CNTNAP5: variants seen among roughly 807,000 people sequenced by gnomAD.
CNTNAP5 encodes contactin-associated protein-like 5.
Under a neutral mutation model 150.2 loss-of-function variants are expected in CNTNAP5, and 72 were observed. That is an observed-to-expected ratio of 0.48 (90% CI 0.40 to 0.58). CNTNAP5 has a LOEUF of 0.58. Among genes scored for constraint, CNTNAP5 ranks in the 20% least tolerant of loss-of-function variants. The probability of loss-of-function intolerance (pLI) is 0.00; values close to 1 mark genes in which losing one functional copy is unlikely to be tolerated. For missense variants in CNTNAP5, 1,636 were observed against 1,626.2 expected, an observed-to-expected ratio of 1.01 and a Z score of -0.10; for synonymous variants, 672 against 619.8, an observed-to-expected ratio of 1.08 and a Z score of -1.25.
At chr2:124,092,770 T>C (rs1682843864) in intron 1 of CNTNAP5, among the ~76,000 whole-genome samples, 1 of 152,242 alleles carries the variant, frequency 6.6e-6, no homozygotes, top group Non-Finnish European at 1.5e-5. Context: ...GCTTGTCTCT[T>C]GCTTTTTAAT....
intron 3 of CNTNAP5, among the ~76,000 whole-genome samples, chr2:124,368,706 T>C (rs1324045891): frequency 6.6e-6 from 1 of 152,210 alleles, no homozygotes; most frequent in Non-Finnish European, 1.5e-5. Flanking sequence ...AAAACAGATC[T>C]GAACTGGTGA....
intron 16 of CNTNAP5, among the ~76,000 whole-genome samples, chr2:124,769,954 A>T (rs1280575920): frequency 6.6e-6 from 1 of 152,186 alleles, no homozygotes. Context: ...TTTGGCTCAC[A>T]GTAAGTACTC....
chr2:124,789,369 G>A (rs971774372), intron 17 of CNTNAP5, among the ~76,000 whole-genome samples: 1 of 152,140 alleles, frequency 6.6e-6, no homozygotes, highest in Admixed American at 6.5e-5. Context: ...GAGGGAGGGG[G>A]TTCCCAGCCT....
intron 3 of CNTNAP5, among the ~76,000 whole-genome samples, chr2:124,258,261 C>A (rs1435297348): frequency 6.6e-6 from 1 of 152,056 alleles, no homozygotes; most frequent in Non-Finnish European, 1.5e-5. Context: ...TGTTCCCAGC[C>A]AACAGTTTTC....
chr2:124,026,278 C>A (rs573304378), intron 1 of CNTNAP5, among the ~76,000 whole-genome samples: 1 of 152,152 alleles, frequency 6.6e-6, no homozygotes, highest in East Asian at 1.9e-4. Context: ...GAGTTTTGGC[C>A]TAAGAGTCAT....
intron 3 of CNTNAP5, among the ~76,000 whole-genome samples, chr2:124,354,639 CA>C (rs750138101): frequency 2.0e-5 from 3 of 152,128 alleles, no homozygotes; most frequent in Non-Finnish European, 4.4e-5. Flanking sequence ...CAGTCTTGAG[CA>C]AAAGCTATTT....
At chr2:124,749,525 A>G (rs890714942) in intron 14 of CNTNAP5, among the ~76,000 whole-genome samples, 1 of 151,924 alleles carries the variant, frequency 6.6e-6, no homozygotes, top group Non-Finnish European at 1.5e-5. Flanking sequence ...CCAGGGTTCA[A>G]GCGATTCTCC....
chr2:124,580,515 A>G (rs982380555), intron 11 of CNTNAP5, among the ~76,000 whole-genome samples: 1 of 152,242 alleles, frequency 6.6e-6, no homozygotes, highest in Admixed American at 6.5e-5. Flanking sequence ...CTCTGAGACA[A>G]GTCTGACTCA....
intron 1 of CNTNAP5, among the ~76,000 whole-genome samples, chr2:124,095,751 G>T (rs12711667): frequency 0.52 from 79,451 of 151,944 alleles, 20,947 homozygotes; most frequent in East Asian, 0.7. Flanking sequence ...TTGATTTTTT[G>T]ATTTTAATAT....
intron 3 of CNTNAP5, among the ~76,000 whole-genome samples, chr2:124,382,839 A>C (rs1475568692): frequency 6.6e-6 from 1 of 152,150 alleles, no homozygotes. Flanking sequence ...CTATATCTGA[A>C]GTTTGGAAAT....
At chr2:124,669,574 C>T (rs943503178) in intron 13 of CNTNAP5, among the ~76,000 whole-genome samples, 1 of 152,194 alleles carries the variant, frequency 6.6e-6, no homozygotes, top group African/African-American at 2.4e-5. Flanking sequence ...AAATTTAGAT[C>T]TCCAGCCAAG....
At chr2:124,748,263 C>G (rs1226258820) in intron 14 of CNTNAP5, among the ~76,000 whole-genome samples, 1 of 152,050 alleles carries the variant, frequency 6.6e-6, no homozygotes, top group Non-Finnish European at 1.5e-5. Flanking sequence ...AAATAATTTT[C>G]CCAGTGTCAA....
chr2:124,809,463 G>A (rs1040189381), intron 19 of CNTNAP5, among the ~76,000 whole-genome samples: 1 of 151,460 alleles, frequency 6.6e-6, no homozygotes. Flanking sequence ...CTGCAGTGCA[G>A]TGCCATGATC....
chr2:124,361,983 T>G (rs4531936), intron 3 of CNTNAP5, among the ~76,000 whole-genome samples: 1 of 152,056 alleles, frequency 6.6e-6, no homozygotes, highest in African/African-American at 2.4e-5. Flanking sequence ...TAGGACCCTC[T>G]GAGCCAGGTG....
intron 1 of CNTNAP5, among the ~76,000 whole-genome samples, chr2:124,200,432 T>C (rs1037463063): frequency 6.6e-6 from 1 of 152,182 alleles, no homozygotes; most frequent in African/African-American, 2.4e-5. Flanking sequence ...TTTATTGACA[T>C]AATCTTGTTT....
At chr2:124,674,492 A>ACTTC (rs1478647647) in intron 13 of CNTNAP5, among the ~76,000 whole-genome samples, 152 of 71,406 alleles carry the variant, frequency 2.1e-3, no homozygotes, top group African/African-American at 8.6e-3. Context: ...CTCCCTCTCT[A>ACTTC]CTTCCTTTCT....
chr2:124,157,468 C>T (rs921973868), intron 1 of CNTNAP5, among the ~76,000 whole-genome samples: 2 of 152,110 alleles, frequency 1.3e-5, no homozygotes, highest in Admixed American at 1.3e-4. Context: ...CTAGTTTTCC[C>T]ACCTTATGTT....
intron 1 of CNTNAP5, among the ~76,000 whole-genome samples, chr2:124,218,210 G>A (rs1004220092): frequency 6.6e-5 from 10 of 152,044 alleles, no homozygotes; most frequent in East Asian, 1.9e-4. Flanking sequence ...AGACCTTGGC[G>A]ACAACCTTGA....
chr2:124,622,130 C>G (rs543885420), intron 12 of CNTNAP5, among the ~76,000 whole-genome samples: 1 of 152,008 alleles, frequency 6.6e-6, no homozygotes, highest in Non-Finnish European at 1.5e-5. Flanking sequence ...AACCCCCACC[C>G]TTTGACAAGC....
Sources: gnomAD v4.1 joint callset for allele counts (sites outside exome capture counted in the v4.1 genomes callset) on GRCh38, gnomAD v4.1.1 for gene constraint, MANE v1.5 for transcripts, NCBI Gene and HGNC (gene_info 2026-07-23, HGNC 2026-07-21) for gene names.